The following ERBIN variants were observed in gnomAD, a reference collection of about 807,000 sequenced individuals.
The protein encoded by ERBIN is densin-180-like protein.
ERBIN carries 60 observed loss-of-function variants against 158.4 expected under a neutral mutation model. The observed-to-expected ratio is 0.38, with a 90% CI of 0.31 to 0.47. ERBIN has a LOEUF of 0.47. Ranked by LOEUF, ERBIN falls within the 20% of genes least tolerant of loss-of-function variation. ERBIN has a pLI of 0.99. For missense variants in ERBIN, 1,610 were observed against 1,648.0 expected (o/e 0.98, Z 0.40); for synonymous variants, 594 against 557.2 (o/e 1.07, Z -0.93).
At chr5:66,047,271 T>G (rs191581611) in intron 18 of ERBIN, among the ~76,000 whole-genome samples, 128 of 152,226 alleles carry the variant, frequency 8.4e-4, no homozygotes, top group African/African-American at 2.7e-3. Context: ...GCATAATGTG[T>G]TCAAGTTTTT....
intron 7 of ERBIN, among the ~76,000 whole-genome samples, chr5:66,019,010 T>C (rs1459507672): frequency 6.6e-6 from 1 of 152,192 alleles, no homozygotes; most frequent in Admixed American, 6.6e-5. Flanking sequence ...TGTTGGCATA[T>C]GTAAATCCTC....
rs1430502955 is a variant in ERBIN, at chr5:66,081,027, G to A, written c.*2497G>A. 3.3e-5 allele frequency: 5 copies of A among 151,922 alleles called. No individual in the cohort carries two copies. In the East Asian group the frequency reaches 9.6e-4, roughly 29 times the overall value. The allele number at this position is 151,922 out of a possible 1,614,324, so 9.4% of individuals were successfully genotyped here. On this transcript the variant is annotated 3_prime_UTR_variant, in exon 26 of 26. Coordinates refer to ENST00000284037, the MANE Select transcript of ERBIN (RefSeq NM_001253697.2). ...AAATAATTAAATTTTTTGAGGAAGTGGAGAAGACATTTTTAGTTTATATAT... is the reference window on the plus strand; with the variant it reads ...AAATAATTAAATTTTTTGAGGAAGTAGAGAAGACATTTTTAGTTTATATAT...
At chr5:66,063,179 G>A (rs1221220054) in intron 21 of ERBIN, among the ~76,000 whole-genome samples, 1 of 152,218 alleles carries the variant, frequency 6.6e-6, no homozygotes, top group Non-Finnish European at 1.5e-5. Flanking sequence ...GAGCTGTGGT[G>A]GGCTTCACCC....
At chr5:65,946,058 C>T (rs888720464) in intron 1 of ERBIN, among the ~76,000 whole-genome samples, 1 of 152,042 alleles carries the variant, frequency 6.6e-6, no homozygotes, top group Non-Finnish European at 1.5e-5. Context: ...TTTGTCTTTT[C>T]AAAAATGTTA....
chr5:66,050,263 G>T (rs1580465346), intron 19 of ERBIN, among the ~76,000 whole-genome samples: 1 of 804 alleles, frequency 1.2e-3, no homozygotes, highest in South Asian at 0.071. Flanking sequence ...TTTTTTTTTT[G>T]AGACGGAGTC....
intron 20 of ERBIN, among the ~76,000 whole-genome samples, chr5:66,051,575 C>G (rs183233429): frequency 6.6e-6 from 1 of 152,142 alleles, no homozygotes; most frequent in East Asian, 1.9e-4. Context: ...GTTACTCTAT[C>G]AGCTAAACTC....
intron 4 of ERBIN, among the ~76,000 whole-genome samples, chr5:66,000,662 A>T (rs1206138592): frequency 2.0e-5 from 3 of 152,156 alleles, no homozygotes; most frequent in Non-Finnish European, 4.4e-5. Flanking sequence ...TGTTCTTGTT[A>T]TATGATTCCT....
At chr5:65,968,226 G>A (rs1271929079) in intron 1 of ERBIN, among the ~76,000 whole-genome samples, 1 of 152,176 alleles carries the variant, frequency 6.6e-6, no homozygotes, top group East Asian at 1.9e-4. Context: ...AAGTTCTAAA[G>A]TCAGTGTAAG....
At chr5:65,974,827 G>A (rs1229410966) in intron 1 of ERBIN, among the ~76,000 whole-genome samples, 1 of 152,158 alleles carries the variant, frequency 6.6e-6, no homozygotes, top group Non-Finnish European at 1.5e-5. Context: ...TGTGTTAAGA[G>A]GTTGGCATAA....
chr5:66,004,260 A>G (rs1469106828), intron 4 of ERBIN, among the ~76,000 whole-genome samples: 1 of 152,032 alleles, frequency 6.6e-6, no homozygotes, highest in African/African-American at 2.4e-5. Flanking sequence ...GAATTTTGTT[A>G]CTAAAGAAGT....
At chr5:65,977,893 G>A (rs1442254841) in intron 1 of ERBIN, among the ~76,000 whole-genome samples, 1 of 151,800 alleles carries the variant, frequency 6.6e-6, no homozygotes, top group Non-Finnish European at 1.5e-5. Flanking sequence ...ACGAGACTCC[G>A]TCTGCAATCC....
intron 16 of ERBIN, 96 bp from the exon 17 acceptor site, chr5:66,044,041 A>G: frequency 1.2e-6 from 1 of 829,476 alleles, no homozygotes; most frequent in Non-Finnish European, 1.8e-6. Flanking sequence ...TGAGCTTGAT[A>G]TCTAATGTAA....
intron 1 of ERBIN, among the ~76,000 whole-genome samples, chr5:65,957,612 T>C (rs1747339568): frequency 6.6e-6 from 1 of 152,236 alleles, no homozygotes. Flanking sequence ...CCATGTCTAC[T>C]TCTTTCCACA....
At chr5:65,978,327 G>A (rs946450811) in intron 1 of ERBIN, among the ~76,000 whole-genome samples, 5 of 152,148 alleles carry the variant, frequency 3.3e-5, no homozygotes, top group Non-Finnish European at 7.4e-5. Context: ...TTCTGTCTGA[G>A]ATGTTTGCAT....
At chr5:66,006,095 A>G (rs1028869366) in intron 4 of ERBIN, among the ~76,000 whole-genome samples, 2 of 152,230 alleles carry the variant, frequency 1.3e-5, no homozygotes, top group Non-Finnish European at 2.9e-5. Flanking sequence ...GTCAATCCTA[A>G]GAGAAAAGAA....
At chr5:65,993,115 T>C (rs1290450104) in intron 3 of ERBIN, among the ~76,000 whole-genome samples, 1 of 152,194 alleles carries the variant, frequency 6.6e-6, no homozygotes, top group Non-Finnish European at 1.5e-5. Context: ...TTTATACTTG[T>C]GCAGATAACG....
At chr5:65,957,090 A>AT (rs1372187235) in intron 1 of ERBIN, among the ~76,000 whole-genome samples, 2 of 151,690 alleles carry the variant, frequency 1.3e-5, no homozygotes, top group African/African-American at 2.4e-5. Flanking sequence ...CTCTCCCATT[A>AT]TTTTTTGCTA....
chr5:65,988,239 G>A (rs1011664533), intron 1 of ERBIN, among the ~76,000 whole-genome samples: 3 of 152,150 alleles, frequency 2.0e-5, no homozygotes, highest in Non-Finnish European at 4.4e-5. Context: ...TGCGTATGGT[G>A]GTATACACCT....
intron 1 of ERBIN, among the ~76,000 whole-genome samples, chr5:65,987,484 C>G (rs1433599476): frequency 6.6e-6 from 1 of 152,006 alleles, no homozygotes; most frequent in Non-Finnish European, 1.5e-5. Context: ...ATCCTTTGAG[C>G]CCAGGAGGTT....
Sources: gnomAD v4.1 joint callset for allele counts (sites outside exome capture counted in the v4.1 genomes callset) on GRCh38, gnomAD v4.1.1 for gene constraint, MANE v1.5 for transcripts, NCBI Gene and HGNC (gene_info 2026-07-23, HGNC 2026-07-21) for gene names.